Variants in PLCB1 observed in about 807,000 individuals in gnomAD.
The protein encoded by PLCB1 is 1-phosphatidylinositol 4,5-bisphosphate phosphodiesterase beta-1.
Under a neutral mutation model 161.8 loss-of-function variants are expected in PLCB1, and 46 were observed. The ratio of observed to expected loss-of-function variants is 0.28; its 90% CI spans 0.22 to 0.36. PLCB1 has a LOEUF of 0.36. Ranked by LOEUF, PLCB1 falls within the 10% of genes least tolerant of loss-of-function variation. The pLI is 1.00. For synonymous variants in PLCB1, 517 were observed against 503.7 expected (o/e 1.03, Z -0.35); for missense variants, 1,016 against 1,472.5 (o/e 0.69, Z 5.07).
chr20:8,257,377 A>C (rs548590783), intron 2 of PLCB1, among the ~76,000 whole-genome samples: 2 of 152,282 alleles, frequency 1.3e-5, no homozygotes, highest in South Asian at 4.1e-4. Context: ...ATATCTACTC[A>C]TATGGTAATA....
intron 3 of PLCB1, among the ~76,000 whole-genome samples, chr20:8,551,792 A>G (rs1170329812): frequency 5.9e-5 from 9 of 151,866 alleles, no homozygotes; most frequent in African/African-American, 2.2e-4. Flanking sequence ...CCACTCTTCT[A>G]CCCGTATTTT....
At chr20:8,510,782 T>A (rs1983852819) in intron 3 of PLCB1, among the ~76,000 whole-genome samples, 1 of 152,216 alleles carries the variant, frequency 6.6e-6, no homozygotes, top group South Asian at 2.1e-4. Flanking sequence ...GTAATTAAAC[T>A]TTAATTACTA....
At chr20:8,792,849 G>A in intron 31 of PLCB1, 1 of 342,496 alleles carries the variant, frequency 2.9e-6, no homozygotes, top group Non-Finnish European at 5.7e-6. Flanking sequence ...AGCAGCAATA[G>A]ACAGTAGAGT....
chr20:8,661,858 C>A (rs1989632516), intron 9 of PLCB1, among the ~76,000 whole-genome samples: 1 of 143,976 alleles, frequency 6.9e-6, no homozygotes, highest in African/African-American at 2.6e-5. Context: ...AATAAATCTT[C>A]AGTGAAAGGC....
intron 2 of PLCB1, among the ~76,000 whole-genome samples, chr20:8,246,284 C>T (rs1980876800): frequency 6.6e-6 from 1 of 151,912 alleles, no homozygotes; most frequent in South Asian, 2.1e-4. Context: ...TGCATCTGGG[C>T]TCATTCAAGC....
intron 3 of PLCB1, among the ~76,000 whole-genome samples, chr20:8,510,302 T>C (rs1488701456): frequency 6.6e-6 from 1 of 152,082 alleles, no homozygotes; most frequent in African/African-American, 2.4e-5. Context: ...ATAAGCTAAA[T>C]CTAATCCTCT....
chr20:8,399,813 C>T (rs1309013862), intron 3 of PLCB1, among the ~76,000 whole-genome samples: 1 of 151,944 alleles, frequency 6.6e-6, no homozygotes, highest in Non-Finnish European at 1.5e-5. Context: ...TTAGCAATAT[C>T]TTGTAGATTT....
At chr20:8,544,549 T>G (rs1985460394) in intron 3 of PLCB1, among the ~76,000 whole-genome samples, 1 of 152,216 alleles carries the variant, frequency 6.6e-6, no homozygotes, top group Non-Finnish European at 1.5e-5. Flanking sequence ...GGGGGTCAAG[T>G]GCAATGTGAA....
intron 31 of PLCB1, among the ~76,000 whole-genome samples, chr20:8,801,872 G>T (rs1171465833): frequency 6.6e-6 from 1 of 152,182 alleles, no homozygotes; most frequent in East Asian, 1.9e-4. Context: ...CATTGCATGT[G>T]TGGGAGGCCA....
At chr20:8,656,122 A>G (rs1568548620) in intron 7 of PLCB1, among the ~76,000 whole-genome samples, 1 of 152,088 alleles carries the variant, frequency 6.6e-6, no homozygotes, top group African/African-American at 2.4e-5. Flanking sequence ...TAATGATACA[A>G]CACATCTATG....
Position 8,815,033 on chromosome 20 carries a change from A to G in PLCB1, c.3423+24772A>G, listed in dbSNP as rs117900069. On this transcript the variant is annotated intron_variant, in intron 31 of 31. Coordinates refer to ENST00000338037, the MANE Select transcript of PLCB1 (RefSeq NM_015192.4). ...CATACAGGTGTAATGTCCATTATCT[A>G]AAAACCCCAGTCCGCTTTGATTTCG... 2.6e-5 allele frequency among the ~76,000 whole-genome samples: 4 copies of G among 152,298 alleles called. No homozygotes were observed. In the East Asian group the frequency reaches 7.7e-4, roughly 29 times the overall value.
At chr20:8,316,672 A>C (rs1018924095) in intron 2 of PLCB1, among the ~76,000 whole-genome samples, 1 of 152,168 alleles carries the variant, frequency 6.6e-6, no homozygotes, top group African/African-American at 2.4e-5. Flanking sequence ...CTCCGGGTTT[A>C]CTTTTCCAAG....
chr20:8,635,581 CCACT>C (rs759901228), intron 4 of PLCB1, among the ~76,000 whole-genome samples: 4 of 152,138 alleles, frequency 2.6e-5, no homozygotes, highest in Non-Finnish European at 5.9e-5. Flanking sequence ...AACCTTATTC[CCACT>C]CAGAGTTACT....
At chr20:8,496,528 A>G (rs1983180807) in intron 3 of PLCB1, among the ~76,000 whole-genome samples, 1 of 152,086 alleles carries the variant, frequency 6.6e-6, no homozygotes. Context: ...TGAAATGTTT[A>G]ATAATTAGTG....
rs562799583 is a variant in PLCB1 at position 8,199,611 on chromosome 20, T to A, written c.177+49240T>A. The stretch of plus-strand genomic sequence containing the variant: ...GATTTGTTGCTTATATTTTAATTAG[T>A]TTGTATGTGAGATTCTTAATGATTT... On this transcript the variant is annotated intron_variant, in intron 2 of 31. Transcript: ENST00000338037. Among the ~76,000 whole-genome samples the A allele has an allele frequency of 4.6e-5, 7 of 152,240 alleles. No homozygotes were observed. In the East Asian group the frequency reaches 1.2e-3, roughly 25 times the overall value.
intron 2 of PLCB1, among the ~76,000 whole-genome samples, chr20:8,240,300 A>ACACACACG (rs1432298879): frequency 2.6e-5 from 3 of 117,294 alleles, no homozygotes; most frequent in African/African-American, 8.6e-5. Flanking sequence ...ACACACACAC[A>ACACACACG]CACACGCACA....
At chr20:8,700,536 C>T (rs1990677951) in intron 11 of PLCB1, among the ~76,000 whole-genome samples, 1 of 152,188 alleles carries the variant, frequency 6.6e-6, no homozygotes, top group Non-Finnish European at 1.5e-5. Context: ...GGAAGCATGG[C>T]TTCTCAACCA....
chr20:8,336,228 G>A (rs1985571847), intron 2 of PLCB1, among the ~76,000 whole-genome samples: 1 of 152,286 alleles, frequency 6.6e-6, no homozygotes, highest in South Asian at 2.1e-4. Flanking sequence ...TCAACAGTTA[G>A]GTGTTATCCT....
intron 3 of PLCB1, among the ~76,000 whole-genome samples, chr20:8,623,520 T>A (rs1988243119): frequency 6.6e-6 from 1 of 152,204 alleles, no homozygotes; most frequent in African/African-American, 2.4e-5. Context: ...AATACTCTTG[T>A]TATGGTAATG....
Sources: allele counts gnomAD v4.1 joint callset (sites outside exome capture counted in the v4.1 genomes callset), GRCh38; gene constraint gnomAD v4.1.1; transcripts MANE v1.5; gene names NCBI Gene and HGNC (gene_info 2026-07-23, HGNC 2026-07-21).